DOCK3: variants seen among roughly 807,000 people sequenced by gnomAD.
The protein encoded by DOCK3 is dedicator of cytokinesis 3.
DOCK3 carries 60 observed loss-of-function variants against 265.6 expected under a neutral mutation model. That is an observed-to-expected ratio of 0.23 (90% confidence interval 0.18 to 0.28). The LOEUF is 0.28. Ranked by LOEUF, DOCK3 falls within the 10% of genes least tolerant of loss-of-function variation. The probability of loss-of-function intolerance (pLI) is 1.00; values close to 1 mark genes in which losing one functional copy is unlikely to be tolerated. For missense variants in DOCK3, 1,981 were observed against 2,594.3 expected (o/e 0.76, Z 5.14); for synonymous variants, 881 against 938.0 (o/e 0.94, Z 1.11).
At chr3:50,911,873 T>C (rs1465795692) in intron 4 of DOCK3, among the ~76,000 whole-genome samples, 11 of 152,100 alleles carry the variant, frequency 7.2e-5, no homozygotes, top group Admixed American at 7.2e-4. Context: ...GTTTTCCTTG[T>C]AGAGATCTTT....
chr3:50,692,104 T>C (rs1326400720), intron 1 of DOCK3, among the ~76,000 whole-genome samples: 1 of 152,034 alleles, frequency 6.6e-6, no homozygotes, highest in Non-Finnish European at 1.5e-5. Flanking sequence ...TTTTTAGAGG[T>C]AATAGTCTTG....
intron 12 of DOCK3, among the ~76,000 whole-genome samples, chr3:51,182,894 G>A (rs1232202200): frequency 2.0e-5 from 3 of 152,124 alleles, no homozygotes; most frequent in East Asian, 3.9e-4. Context: ...TAATTTCTGC[G>A]GAATTGGTGG....
chr3:51,144,359 A>C (rs148508726), intron 9 of DOCK3, among the ~76,000 whole-genome samples: 17 of 152,310 alleles, frequency 1.1e-4, no homozygotes, highest in Non-Finnish European at 2.2e-4. Context: ...TCTGTGTTCG[A>C]GAGTTTTGTC....
intron 12 of DOCK3, among the ~76,000 whole-genome samples, chr3:51,173,384 A>G (rs1576316920): frequency 6.6e-6 from 1 of 152,166 alleles, no homozygotes; most frequent in African/African-American, 2.4e-5. Flanking sequence ...CAGCCTCCCA[A>G]AGTGCTAGGA....
At chr3:50,793,646 C>A (rs1227514421) in intron 2 of DOCK3, among the ~76,000 whole-genome samples, 2 of 152,146 alleles carry the variant, frequency 1.3e-5, no homozygotes, top group Non-Finnish European at 2.9e-5. Context: ...GCGTGAGCCA[C>A]CTTGCCTGGC....
At chr3:51,223,137 A>G (rs1002368369) in intron 14 of DOCK3, among the ~76,000 whole-genome samples, 3 of 152,128 alleles carry the variant, frequency 2.0e-5, no homozygotes, top group African/African-American at 7.2e-5. Flanking sequence ...GAGCCTCACT[A>G]TATTGCCCAG....
intron 1 of DOCK3, among the ~76,000 whole-genome samples, chr3:50,693,734 A>T (rs1199334863): frequency 1.3e-5 from 2 of 150,612 alleles, no homozygotes; most frequent in Non-Finnish European, 3.0e-5. Flanking sequence ...ATGGGGTTTC[A>T]CCATGTTGGC....
intron 1 of DOCK3, among the ~76,000 whole-genome samples, chr3:50,769,496 A>T (rs1204837382): frequency 6.6e-6 from 1 of 152,060 alleles, no homozygotes; most frequent in East Asian, 1.9e-4. Context: ...GCCCACTTTG[A>T]CCACTCCTGT....
chr3:50,929,258 C>T (rs1050082671), intron 4 of DOCK3, among the ~76,000 whole-genome samples: 5 of 152,072 alleles, frequency 3.3e-5, no homozygotes, highest in South Asian at 4.1e-4. Flanking sequence ...CAGTTACTGC[C>T]GTCTGTCCCC....
chr3:50,859,203 TG>T (rs2046776199), intron 3 of DOCK3, among the ~76,000 whole-genome samples: 1 of 143,860 alleles, frequency 7.0e-6, no homozygotes, highest in South Asian at 2.2e-4. Flanking sequence ...GTTGGAGAAC[TG>T]GTATGGTTTT....
chr3:51,135,525 G>C (rs1275383040), intron 9 of DOCK3, among the ~76,000 whole-genome samples: 1 of 152,114 alleles, frequency 6.6e-6, no homozygotes, highest in African/African-American at 2.4e-5. Flanking sequence ...TTCCTGGACT[G>C]TCTCCGGGAA....
chr3:50,680,147 A>C (rs1451678825), intron 1 of DOCK3, among the ~76,000 whole-genome samples: 2 of 152,262 alleles, frequency 1.3e-5, no homozygotes, highest in Non-Finnish European at 2.9e-5. Flanking sequence ...TGCAGTTTTC[A>C]ATTTAAACTG....
At chr3:51,084,608 A>G (rs1180014773) in intron 7 of DOCK3, among the ~76,000 whole-genome samples, 1 of 152,234 alleles carries the variant, frequency 6.6e-6, no homozygotes, top group Admixed American at 6.5e-5. Flanking sequence ...GGATTTCTGT[A>G]TCTGGAAGCG....
chr3:50,931,639 T>C (rs1469781049), intron 4 of DOCK3, among the ~76,000 whole-genome samples: 2 of 152,240 alleles, frequency 1.3e-5, no homozygotes, highest in African/African-American at 2.4e-5. Context: ...AAGATCAATA[T>C]GACCTATTTC....
intron 9 of DOCK3, among the ~76,000 whole-genome samples, chr3:51,124,204 T>C (rs1303869904): frequency 6.6e-6 from 1 of 152,110 alleles, no homozygotes; most frequent in Non-Finnish European, 1.5e-5. Flanking sequence ...ACTTTGGAAA[T>C]TGATATAGTT....
At chr3:50,761,282 A>G (rs942478071) in intron 1 of DOCK3, among the ~76,000 whole-genome samples, 9 of 152,184 alleles carry the variant, frequency 5.9e-5, no homozygotes, top group Non-Finnish European at 1.0e-4. Flanking sequence ...TATTTCCTTA[A>G]TAGTCTCATG....
intron 4 of DOCK3, among the ~76,000 whole-genome samples, chr3:50,923,216 C>T (rs1200671723): frequency 6.6e-6 from 1 of 152,148 alleles, no homozygotes; most frequent in Non-Finnish European, 1.5e-5. Context: ...GCAAATTGTG[C>T]TCCTATAGAC....
intron 1 of DOCK3, among the ~76,000 whole-genome samples, chr3:50,722,769 G>GTTTTTTTTT (rs58505050): frequency 7.4e-6 from 1 of 135,110 alleles, no homozygotes. Flanking sequence ...TCTTTTTCTT[G>GTTTTTTTTT]TTTTTTTTTT....
chr3:51,312,789 C>G (rs994793328), intron 30 of DOCK3, 55 bp from the exon 31 acceptor site: 2 of 1,554,506 alleles, frequency 1.3e-6, no homozygotes, highest in African/African-American at 2.7e-5. Context: ...GTTTGCAGCC[C>G]TATCCTCCTG....
Sources: allele counts gnomAD v4.1 joint callset (sites outside exome capture counted in the v4.1 genomes callset), GRCh38; gene constraint gnomAD v4.1.1; transcripts MANE v1.5; gene names NCBI Gene and HGNC (gene_info 2026-07-23, HGNC 2026-07-21).